Variants in SPTAN1 observed in about 807,000 individuals in gnomAD.
SPTAN1 encodes spectrin alpha, non-erythrocytic 1, also known as spectrin alpha chain, non-erythrocytic 1.
A neutral mutation model predicts 331.3 loss-of-function variants in SPTAN1; 61 were observed. The ratio of observed to expected loss-of-function variants is 0.18; its 90% CI spans 0.15 to 0.23. The LOEUF is 0.23. SPTAN1 is among the 10% of genes least tolerant of loss of function. The pLI is 1.00. For synonymous variants in SPTAN1, 1,153 were observed against 1,173.9 expected (o/e 0.98, Z 0.36); for missense variants, 2,043 against 3,147.9 (o/e 0.65, Z 8.40).
chr9:128,621,398 T>A, intron 45 of SPTAN1, 142 bp downstream of exon 45: 1 of 730,734 alleles, frequency 1.4e-6, no homozygotes, highest in Non-Finnish European at 2.5e-6. Flanking sequence ...TCCATTCCTG[T>A]GTTTCGTGAC....
Position 128,582,621 on chromosome 9 carries a change from A to G in SPTAN1, c.1650+65A>G, listed in dbSNP as rs1340468445. On this transcript the variant is annotated intron_variant, in intron 13 of 56. Transcript: ENST00000372739. ...ATGAATGTCTCTTCTAAGATGTTCCAGTTAAGTCTCTTCAACTGGATATCC... is the reference window on the plus strand; with the variant it reads ...ATGAATGTCTCTTCTAAGATGTTCCGGTTAAGTCTCTTCAACTGGATATCC... 1.9e-6 allele frequency: 3 copies of G among 1,610,908 alleles called. No homozygotes were observed. In the African/African-American group the frequency reaches 4.0e-5, roughly 22 times the overall value.
At chr9:128,614,345 A>G (rs978511954) in intron 40 of SPTAN1, among the ~76,000 whole-genome samples, 1 of 152,164 alleles carries the variant, frequency 6.6e-6, no homozygotes, top group Non-Finnish European at 1.5e-5. Flanking sequence ...TAATCGTAGC[A>G]CTTTGGGAGG....
rs542384324 is a variant in SPTAN1, at chr9:128,588,966, G to C, written c.3006+23G>C. 1.5e-4 allele frequency: 237 copies of C among 1,613,322 alleles called. No individual in the cohort carries two copies. The African/African-American group carries it at 2.9e-3, about 20-fold the overall frequency. On this transcript the variant is annotated intron_variant, in intron 21 of 56. Transcript: ENST00000372739. ...AAGGCAAGGCACAGAGAGTGGCTGT[G>C]TGTTTGTTCCACGCTGGCACCTCCA...
intron 44 of SPTAN1, 104 bp from the exon 45 acceptor site, chr9:128,621,054 G>A: frequency 1.2e-6 from 1 of 866,210 alleles, no homozygotes; most frequent in East Asian, 2.4e-5. Flanking sequence ...TGTAATGTGT[G>A]CATGGACAGG....
chr9:128,562,060 T>A (rs1849437930), intron 1 of SPTAN1, among the ~76,000 whole-genome samples: 1 of 152,158 alleles, frequency 6.6e-6, no homozygotes, highest in South Asian at 2.1e-4. Context: ...GACTTCTGAT[T>A]CAGAAAGACT....
At chr9:128,569,547 C>G (rs966961265) in intron 3 of SPTAN1, among the ~76,000 whole-genome samples, 1 of 151,468 alleles carries the variant, frequency 6.6e-6, no homozygotes, top group African/African-American at 2.4e-5. Context: ...AAACAAACCT[C>G]TTGACAGTGA....
chr9:128,572,518 T>C (rs978848427), intron 3 of SPTAN1, among the ~76,000 whole-genome samples: 2 of 152,240 alleles, frequency 1.3e-5, no homozygotes, highest in East Asian at 3.9e-4. Flanking sequence ...AGATGGACAA[T>C]TGACTTGAAT....
intron 24 of SPTAN1, among the ~76,000 whole-genome samples, chr9:128,597,807 C>T (rs1363029576): frequency 2.6e-5 from 4 of 152,016 alleles, no homozygotes; most frequent in African/African-American, 4.8e-5. Flanking sequence ...CCTGCCACCG[C>T]GCCTAGCTAA....
intron 52 of SPTAN1, among the ~76,000 whole-genome samples, chr9:128,630,906 T>C (rs1859612623): frequency 6.6e-6 from 1 of 152,192 alleles, no homozygotes; most frequent in South Asian, 2.1e-4. Flanking sequence ...GGTTTCACCA[T>C]GTTGGCCAGG....
At chr9:128,579,616 C>T (rs1851704133) in intron 9 of SPTAN1, 21 bp from the exon 10 acceptor site, 1 of 1,593,896 alleles carries the variant, frequency 6.3e-7, no homozygotes, top group Non-Finnish European at 8.6e-7. Context: ...CAAATCATGG[C>T]TTTGTTTTTT....
intron 51 of SPTAN1, 108 bp from the exon 52 acceptor site, chr9:128,630,213 A>C (rs1180237226): frequency 8.1e-7 from 1 of 1,238,984 alleles, no homozygotes; most frequent in Non-Finnish European, 1.2e-6. Flanking sequence ...TGGTTTCCTT[A>C]AAAGGAATGT....
At chr9:128,593,141 G>A in intron 23 of SPTAN1, 99 bp downstream of exon 23, 2 of 1,348,804 alleles carry the variant, frequency 1.5e-6, no homozygotes, top group Non-Finnish European at 2.1e-6. Context: ...CATCCAGAAA[G>A]ATGAGGTGGT....
intron 3 of SPTAN1, among the ~76,000 whole-genome samples, 170 bp downstream of exon 3, chr9:128,569,067 C>T (rs963158864): frequency 2.6e-5 from 4 of 152,150 alleles, no homozygotes; most frequent in Admixed American, 6.5e-5. Flanking sequence ...AATATGACAG[C>T]ATGAATGCAA....
intron 3 of SPTAN1, among the ~76,000 whole-genome samples, chr9:128,570,123 A>T (rs1437786591): frequency 6.6e-6 from 1 of 151,794 alleles, no homozygotes; most frequent in African/African-American, 2.4e-5. Flanking sequence ...TATTTCCTTG[A>T]TAGAAGTTGT....
chr9:128,554,583 T>C (rs1284115538), intron 1 of SPTAN1, among the ~76,000 whole-genome samples: 1 of 152,210 alleles, frequency 6.6e-6, no homozygotes, highest in Non-Finnish European at 1.5e-5. Flanking sequence ...ACACTAAGAA[T>C]GGACAAGTGT....
At chr9:128,576,762 G>A in intron 5 of SPTAN1, 61 bp from the exon 6 acceptor site, 4 of 1,602,962 alleles carry the variant, frequency 2.5e-6, no homozygotes, top group Non-Finnish European at 3.4e-6. Flanking sequence ...CAACCCCAGG[G>A]TAACTAGTTG....
chr9:128,564,110 C>CA (rs923905133), intron 1 of SPTAN1, among the ~76,000 whole-genome samples: 6 of 151,760 alleles, frequency 4.0e-5, no homozygotes, highest in African/African-American at 9.7e-5. Flanking sequence ...CCTGTCTCTA[C>CA]AAAAAAAATT....
Position 128,629,204 on chromosome 9 carries a change from CTCT to C in SPTAN1, c.6708-1112_6708-1110del. 1 of 398,650 alleles carries C rather than the reference CTCT, an allele frequency of 2.5e-6. No individual in the cohort carries two copies. Among genetic ancestry groups the C allele is most frequent in the Non-Finnish European group, 4.4e-6 (1 of 226,110 alleles). 24.7% of individuals were successfully genotyped at this position (398,650 alleles called of 1,614,324 possible). Reference sequence around the variant, plus strand: ...GTCTGGAAGGTTTTTCTCCTTATTTCTCTTCTTACCTCACTGTGGCTTTACTGA... The same window carrying C: ...GTCTGGAAGGTTTTTCTCCTTATTTCTCTTACCTCACTGTGGCTTTACTGA... On this transcript the variant is annotated intron_variant, in intron 51 of 56. Coordinates refer to ENST00000372739, the MANE Select transcript of SPTAN1 (RefSeq NM_001130438.3). The surrounding 1 kb of genome is among the most constrained non-coding windows in gnomAD (Gnocchi z 4.9).
chr9:128,558,842 G>A (rs1377039849), intron 1 of SPTAN1, among the ~76,000 whole-genome samples: 2 of 151,880 alleles, frequency 1.3e-5, no homozygotes, highest in African/African-American at 4.8e-5. Context: ...AGAGGCTGTA[G>A]CACCTTTGGA....
Sources: allele counts gnomAD v4.1 joint callset (sites outside exome capture counted in the v4.1 genomes callset), GRCh38; gene constraint gnomAD v4.1.1; non-coding constraint Gnocchi (gnomAD v3.1); transcripts MANE v1.5; gene names NCBI Gene and HGNC (gene_info 2026-07-23, HGNC 2026-07-21).